Variants in ZCCHC17 observed in about 807,000 individuals in gnomAD.
ZCCHC17 encodes the protein zinc finger CCHC domain-containing protein 17.
In ZCCHC17, 18 loss-of-function variants were observed where a neutral mutation model predicts 30.6. That is an observed-to-expected ratio of 0.59 (90% CI 0.41 to 0.87). The LOEUF is 0.87. Among genes scored for constraint, ZCCHC17 ranks in the 40% least tolerant of loss-of-function variants. The pLI is 0.00. For missense variants in ZCCHC17, 263 were observed against 284.2 expected (o/e 0.93, Z 0.54); for synonymous variants, 88 against 92.4 (o/e 0.95, Z 0.27).
intron 2 of ZCCHC17, 81 bp downstream of exon 2, chr1:31,310,245 C>A: frequency 6.9e-7 from 1 of 1,446,662 alleles, no homozygotes; most frequent in African/African-American, 1.4e-5. Context: ...TGTTCCTGTC[C>A]ACTTAAGTCT....
intron 1 of ZCCHC17, among the ~76,000 whole-genome samples, chr1:31,306,586 G>A (rs1032568424): frequency 1.3e-5 from 2 of 152,214 alleles, no homozygotes; most frequent in South Asian, 2.1e-4. Flanking sequence ...GTGGTAGACT[G>A]TGAGTAACTG....
chr1:31,313,636 C>T (rs957633349), intron 2 of ZCCHC17, among the ~76,000 whole-genome samples: 2 of 152,132 alleles, frequency 1.3e-5, no homozygotes, highest in Non-Finnish European at 2.9e-5. Context: ...AGCCTCTGTC[C>T]TTTTTCTTTA....
intron 3 of ZCCHC17, 131 bp downstream of exon 3, chr1:31,319,297 G>T: frequency 2.9e-6 from 2 of 695,256 alleles, no homozygotes; most frequent in Non-Finnish European, 2.4e-6. Flanking sequence ...TTAATGTATA[G>T]ATATGAATAC....
At chr1:31,310,356 G>A (rs139810477) in intron 2 of ZCCHC17, among the ~76,000 whole-genome samples, 192 bp downstream of exon 2, 94 of 152,300 alleles carry the variant, frequency 6.2e-4, no homozygotes, top group Admixed American at 2.8e-3. Context: ...AGTTGACATC[G>A]TCATTGGAAT....
chr1:31,338,107 C>G (rs1279575700), intron 4 of ZCCHC17, among the ~76,000 whole-genome samples: 6 of 149,822 alleles, frequency 4.0e-5, no homozygotes, highest in Non-Finnish European at 7.4e-5. Flanking sequence ...GTATCTGGGA[C>G]TACAGGCACG....
intron 4 of ZCCHC17, among the ~76,000 whole-genome samples, chr1:31,337,780 G>C (rs1227282208): frequency 6.6e-6 from 1 of 151,918 alleles, no homozygotes; most frequent in African/African-American, 2.4e-5. Context: ...GGTGTGGGCC[G>C]ACCACAGGAG....
Position 31,341,945 on chromosome 1 carries a change from ACGGAACCACAC to A in ZCCHC17, c.317+2899_317+2909del, listed in dbSNP as rs940363495. 2.6e-4 allele frequency among the ~76,000 whole-genome samples: 40 copies of A among 152,142 alleles called. 1 individual carries two copies. The highest frequency in any genetic ancestry group is 2.0e-4 in the Admixed American group (3 of 15,264). ...TTCTTTTTTCCTCATACTATGGTGT[ACGGAACCACAC>A]CTTTGCTTTTGAAAGAGTGTGTGTG... On this transcript the variant is annotated intron_variant, in intron 5 of 7. Coordinates refer to ENST00000344147, the MANE Select transcript of ZCCHC17 (RefSeq NM_016505.4).
chr1:31,302,214 C>T (rs867447852), intron 1 of ZCCHC17, among the ~76,000 whole-genome samples: 7 of 152,060 alleles, frequency 4.6e-5, no homozygotes, highest in African/African-American at 7.2e-5. Flanking sequence ...GGCAACAGAG[C>T]GAGACTCCAT....
At chr1:31,316,173 C>A (rs1646726653) in intron 2 of ZCCHC17, among the ~76,000 whole-genome samples, 1 of 152,192 alleles carries the variant, frequency 6.6e-6, no homozygotes, top group Non-Finnish European at 1.5e-5. Flanking sequence ...ATGATCTTGG[C>A]TCACTGCAAC....
Position 31,364,249 on chromosome 1 carries a change from T to C in ZCCHC17, c.*56T>C. ...GTAAGAAACCAGGAGCCTTGTGCCT[T>C]GAGACTCCTGGAAAGACTCAATAGT... On this transcript the variant is annotated 3_prime_UTR_variant, in exon 8 of 8. Transcript: ENST00000344147. The C allele has an allele frequency of 3.2e-6, 5 of 1,558,474 alleles. No individual in the cohort carries two copies. Among genetic ancestry groups the C allele is most frequent in the Non-Finnish European group, 4.3e-6 (5 of 1,155,758 alleles).
chr1:31,361,213 T>A (rs554505539), intron 7 of ZCCHC17, among the ~76,000 whole-genome samples: 68 of 152,372 alleles, frequency 4.5e-4, no homozygotes, highest in Admixed American at 7.8e-4. Flanking sequence ...TGAGAAGCTT[T>A]GTTGCCTTCT....
chr1:31,319,005 A>G (rs1646798238), intron 2 of ZCCHC17, 104 bp from the exon 3 acceptor site: 1 of 1,341,318 alleles, frequency 7.5e-7, no homozygotes, highest in Non-Finnish European at 1.0e-6. Context: ...TATAGCATAC[A>G]GAGGCAGTCA....
chr1:31,335,960 C>T (rs1638798943), intron 3 of ZCCHC17, among the ~76,000 whole-genome samples: 1 of 152,010 alleles, frequency 6.6e-6, no homozygotes, highest in African/African-American at 2.4e-5. Flanking sequence ...ACTATGTTTG[C>T]CATGCTGTTT....
At chr1:31,328,524 A>G (rs948814829) in intron 3 of ZCCHC17, among the ~76,000 whole-genome samples, 15 of 150,848 alleles carry the variant, frequency 9.9e-5, no homozygotes, top group African/African-American at 3.7e-4. Context: ...AAATAAATAA[A>G]TAAATAAAAA....
chr1:31,302,245 A>G (rs1646332169), intron 1 of ZCCHC17, among the ~76,000 whole-genome samples: 1 of 152,060 alleles, frequency 6.6e-6, no homozygotes, highest in Admixed American at 6.5e-5. Context: ...AAGAAAAAAG[A>G]AGTGTTCCAT....
chr1:31,309,958 C>T (rs1646558443), intron 1 of ZCCHC17, 86 bp from the exon 2 acceptor site: 1 of 722,010 alleles, frequency 1.4e-6, no homozygotes, highest in South Asian at 1.8e-5. Flanking sequence ...TGGTATTATT[C>T]TGTAGAGAAT....
At chr1:31,334,920 A>G (rs553182789) in intron 3 of ZCCHC17, among the ~76,000 whole-genome samples, 5 of 152,154 alleles carry the variant, frequency 3.3e-5, no homozygotes, top group African/African-American at 9.7e-5. Context: ...AGTTTTTCCT[A>G]TGTATAAAGT....
intron 1 of ZCCHC17, 76 bp downstream of exon 1, chr1:31,297,151 C>A (rs1450814840): frequency 9.9e-6 from 4 of 402,866 alleles, no homozygotes; most frequent in African/African-American, 8.2e-5. Flanking sequence ...TCTGAACCTG[C>A]CCTTCTCAGC....
intron 3 of ZCCHC17, among the ~76,000 whole-genome samples, chr1:31,327,828 C>T (rs1021902777): frequency 5.3e-5 from 8 of 152,074 alleles, no homozygotes; most frequent in Admixed American, 1.3e-4. Flanking sequence ...AAAACAGGGA[C>T]CCCTAGAGGG....
Sources: gnomAD v4.1 joint callset for allele counts (sites outside exome capture counted in the v4.1 genomes callset) on GRCh38, gnomAD v4.1.1 for gene constraint, MANE v1.5 for transcripts, NCBI Gene and HGNC (gene_info 2026-07-23, HGNC 2026-07-21) for gene names.